ZFAND6: variants seen among roughly 807,000 people sequenced by gnomAD.
The protein encoded by ZFAND6 is AN1-type zinc finger protein 6.
In ZFAND6, 12 loss-of-function variants were observed where a neutral mutation model predicts 24.5. The observed-to-expected ratio is 0.49, with a 90% CI of 0.31 to 0.79. The LOEUF is 0.79. Among genes scored for constraint, ZFAND6 ranks in the 30% least tolerant of loss-of-function variants. The pLI is 0.04. For synonymous variants in ZFAND6, 92 were observed against 81.5 expected (o/e 1.13, Z -0.69); for missense variants, 207 against 245.9 (o/e 0.84, Z 1.06).
At chr15:80,102,553 A>G (rs1372282572) in intron 2 of ZFAND6, among the ~76,000 whole-genome samples, 1 of 152,228 alleles carries the variant, frequency 6.6e-6, no homozygotes, top group Non-Finnish European at 1.5e-5. Context: ...TGATTTTTAC[A>G]TTTAAATGCT....
At chr15:80,099,201 C>T (rs1040949423) in intron 2 of ZFAND6, among the ~76,000 whole-genome samples, 1 of 151,752 alleles carries the variant, frequency 6.6e-6, no homozygotes, top group Non-Finnish European at 1.5e-5. Flanking sequence ...CTTTTCTTTC[C>T]TTTAAGGTGT....
At chr15:80,099,241 G>C (rs1307557973) in intron 2 of ZFAND6, among the ~76,000 whole-genome samples, 1 of 152,008 alleles carries the variant, frequency 6.6e-6, no homozygotes, top group Admixed American at 6.6e-5. Context: ...ATCTATGGTA[G>C]GGTGGTGTCT....
chr15:80,080,520 T>C (rs1253216811), intron 1 of ZFAND6, among the ~76,000 whole-genome samples: 1 of 152,228 alleles, frequency 6.6e-6, no homozygotes, highest in Non-Finnish European at 1.5e-5. Context: ...ATAAAAGTTA[T>C]GTGATATCAT....
chr15:80,091,406 A>G (rs1043756742), intron 1 of ZFAND6, among the ~76,000 whole-genome samples: 1 of 152,242 alleles, frequency 6.6e-6, no homozygotes, highest in African/African-American at 2.4e-5. Context: ...TAGTTTTCTC[A>G]GAATAATCAA....
intron 1 of ZFAND6, among the ~76,000 whole-genome samples, chr15:80,091,613 C>G (rs950588938): frequency 5.3e-5 from 8 of 150,040 alleles, no homozygotes; most frequent in African/African-American, 2.0e-4. Context: ...ATAACAGATA[C>G]AAATTTTTAA....
At chr15:80,075,163 G>A (rs1017586573) in intron 1 of ZFAND6, 1 of 153,146 alleles carries the variant, frequency 6.5e-6, no homozygotes, top group Admixed American at 6.6e-5. Flanking sequence ...TTTTTTTTCA[G>A]ATACTTTGGT....
intron 6 of ZFAND6, among the ~76,000 whole-genome samples, chr15:80,135,968 T>C (rs1046356306): frequency 6.6e-6 from 1 of 151,800 alleles, no homozygotes; most frequent in South Asian, 2.1e-4. Flanking sequence ...TACAAAAAAA[T>C]TTTTAAAATT....
At chr15:80,104,595 A>T (rs2039219126) in intron 2 of ZFAND6, among the ~76,000 whole-genome samples, 1 of 152,186 alleles carries the variant, frequency 6.6e-6, no homozygotes, top group Non-Finnish European at 1.5e-5. Context: ...TTCAGGTATT[A>T]TTGACCATAT....
intron 1 of ZFAND6, among the ~76,000 whole-genome samples, chr15:80,093,905 A>G (rs2038548621): frequency 6.6e-6 from 1 of 152,176 alleles, no homozygotes; most frequent in Non-Finnish European, 1.5e-5. Flanking sequence ...GGGAGGAGGT[A>G]GACATTCACC....
At chr15:80,134,493 A>G (rs969355150) in intron 6 of ZFAND6, among the ~76,000 whole-genome samples, 23 of 146,460 alleles carry the variant, frequency 1.6e-4, no homozygotes, top group African/African-American at 5.1e-4. Context: ...GAGAACCCCA[A>G]TAGAGGGAAC....
rs775039283 is a variant in ZFAND6 at position 80,120,518 on chromosome 15, C to T, written c.154+20C>T. On this transcript the variant is annotated intron_variant, in intron 3 of 6. Coordinates refer to ENST00000261749, the MANE Select transcript of ZFAND6 (RefSeq NM_019006.4). ...CACCTGGTAAGTAATTCTAGTGAAA[C>T]CCGTCTATATTCATAATTGAAATAC... is the stretch of plus-strand genomic sequence containing the variant. 1.5e-5 allele frequency: 22 copies of T among 1,503,032 alleles called. No individual in the cohort carries two copies. In the Admixed American group the frequency reaches 4.0e-4, roughly 27 times the overall value. 93.1% of individuals were successfully genotyped at this position (1,503,032 alleles called of 1,614,324 possible). A position where few individuals can be genotyped will look rare whatever the true frequency, so the allele number is the denominator to read the frequency against.
chr15:80,110,890 G>T (rs934550374), intron 2 of ZFAND6, among the ~76,000 whole-genome samples: 2 of 152,182 alleles, frequency 1.3e-5, no homozygotes, highest in African/African-American at 4.8e-5. Context: ...CACATGCCCA[G>T]CCTTGGCTCA....
At chr15:80,119,535 AAT>A (rs1403432528) in intron 2 of ZFAND6, among the ~76,000 whole-genome samples, 2 of 152,120 alleles carry the variant, frequency 1.3e-5, no homozygotes, top group Non-Finnish European at 2.9e-5. Flanking sequence ...AATATTCTAA[AAT>A]ATTTTTAATG....
At chr15:80,126,270 G>C (rs894774885) in intron 5 of ZFAND6, among the ~76,000 whole-genome samples, 4 of 152,206 alleles carry the variant, frequency 2.6e-5, no homozygotes, top group African/African-American at 9.7e-5. Context: ...ATTTAGGAAA[G>C]CTGTATGGGT....
chr15:80,087,801 T>A (rs959784695), intron 1 of ZFAND6, among the ~76,000 whole-genome samples: 4 of 152,214 alleles, frequency 2.6e-5, no homozygotes, highest in African/African-American at 9.6e-5. Flanking sequence ...GATTCCCAAT[T>A]GTTATACTGT....
At chr15:80,107,180 G>A (rs534066337) in intron 2 of ZFAND6, among the ~76,000 whole-genome samples, 1 of 151,960 alleles carries the variant, frequency 6.6e-6, no homozygotes, top group Non-Finnish European at 1.5e-5. Context: ...GCGCCACTGC[G>A]CTCCAGCCTG....
chr15:80,069,550 AG>A (rs1309962265), intron 1 of ZFAND6, among the ~76,000 whole-genome samples: 98 of 152,304 alleles, frequency 6.4e-4, no homozygotes, highest in Non-Finnish European at 3.5e-4. Flanking sequence ...CTAAGGAGTC[AG>A]GAGAGATACA....
chr15:80,106,138 TATCCTTGAAC>T (rs2039312864), intron 2 of ZFAND6, among the ~76,000 whole-genome samples: 1 of 152,340 alleles, frequency 6.6e-6, no homozygotes, highest in South Asian at 2.1e-4. Flanking sequence ...TTTATCAAGA[TATCCTTGAAC>T]AAAGAGCTAT....
In ZFAND6 at chr15:80,099,634, T is replaced by TTTTTTTTTTTC. The variant is rs1555431664; in HGVS notation, c.-18+1056_-18+1057insTTTTTTTTTTC. Among the ~76,000 whole-genome samples, 5 of 148,698 alleles carry TTTTTTTTTTTC rather than the reference T, an allele frequency of 3.4e-5. 1 individual carries two copies. The highest frequency in any genetic ancestry group is 1.0e-4 in the African/African-American group (4 of 39,442). On this transcript the variant is annotated intron_variant, in intron 2 of 6. Coordinates refer to ENST00000261749, the MANE Select transcript of ZFAND6 (RefSeq NM_019006.4). ...ATGGATATCCTTTTTTTTTTTTTTT[T>TTTTTTTTTTTC]CGAGACGGAGTCTCACTCTGTCGCC...
Sources: allele counts gnomAD v4.1 joint callset (sites outside exome capture counted in the v4.1 genomes callset), GRCh38; gene constraint gnomAD v4.1.1; transcripts MANE v1.5; gene names NCBI Gene and HGNC (gene_info 2026-07-23, HGNC 2026-07-21).